The following TULP4 variants were observed in gnomAD, a reference collection of about 807,000 sequenced individuals.
TULP4 encodes the protein tubby-related protein 4.
A neutral mutation model predicts 129.0 loss-of-function variants in TULP4; 16 were observed. The ratio of observed to expected loss-of-function variants is 0.12; its 90% CI spans 0.08 to 0.19. The LOEUF is 0.19. TULP4 is among the 10% of genes least tolerant of loss of function. TULP4 has a pLI of 1.00. For synonymous variants in TULP4, 998 were observed against 854.0 expected (o/e 1.17, Z -2.94); for missense variants, 1,842 against 2,059.1 (o/e 0.89, Z 2.04).
chr6:158,476,328 G>A (rs1305994656), intron 6 of TULP4, among the ~76,000 whole-genome samples: 1 of 152,106 alleles, frequency 6.6e-6, no homozygotes, highest in African/African-American at 2.4e-5. Context: ...CCCATTCTTA[G>A]AAGAGGGGAT....
At position 158,506,826 on chromosome 6, in the gene TULP4, A is replaced by G. The variant is rs1412127560; in HGVS notation, c.*132A>G. ...AACAGCAAAACTGGAAAAGCCCGGC[A>G]GGCCCAGGAGAGGGCGCTGACCTGT... On this transcript the variant is annotated 3_prime_UTR_variant, in exon 14 of 14. Transcript: ENST00000367097. The G allele has an allele frequency of 3.1e-6, 2 of 654,516 alleles. No homozygotes were observed. Among genetic ancestry groups the G allele is most frequent in the Non-Finnish European group, 2.7e-6 (1 of 371,642 alleles). 40.5% of individuals were successfully genotyped at this position (654,516 alleles called of 1,614,324 possible).
At chr6:158,472,113 G>A (rs1017504616) in intron 6 of TULP4, among the ~76,000 whole-genome samples, 2 of 152,170 alleles carry the variant, frequency 1.3e-5, no homozygotes, top group Admixed American at 6.5e-5. Flanking sequence ...GCTGCCTAGT[G>A]GATTGAGGCT....
intron 1 of TULP4, among the ~76,000 whole-genome samples, chr6:158,297,958 A>G (rs1321215181): frequency 6.6e-6 from 1 of 152,180 alleles, no homozygotes; most frequent in East Asian, 1.9e-4. Context: ...TAAGACAGAC[A>G]TTCCCAGAGC....
chr6:158,342,959 G>GTGTGTGTGTGTGTGTGTA lies in TULP4; in HGVS notation c.252+28708_252+28709insATGTGTGTGTGTGTGTGT, dbSNP rs1229079108. 1.2e-4 allele frequency among the ~76,000 whole-genome samples: 4 copies of GTGTGTGTGTGTGTGTGTA among 33,020 alleles called. 1 individual carries two copies. The highest frequency in any genetic ancestry group is 6.4e-4 in the African/African-American group (4 of 6,250). 21.7% of individuals were successfully genotyped at this position (33,020 alleles called of 152,430 possible). ...AGATTAAAAATAAATGTGTGTGTGT[G>GTGTGTGTGTGTGTGTGTA]TGTGTGTGTGTGTGTGTGTGTGTGT... is the stretch of plus-strand genomic sequence containing the variant. On this transcript the variant is annotated intron_variant, in intron 1 of 13. Transcript: ENST00000367097.
At position 158,479,955 on chromosome 6, in the gene TULP4, G is replaced by T; in HGVS notation, c.1231G>T (p.Ala411Ser). 1 of 1,607,360 alleles carries T rather than the reference G, an allele frequency of 6.2e-7. No individual in the cohort carries two copies. Residue 411 changes from alanine to serine, a missense_variant, in exon 7 of 14, where the codon GCC becomes TCC. By Grantham distance (99) the Ala-to-Ser change is moderately conservative. Transcript: ENST00000367097. ...CCGCCTCTGCTCCTACCTCTCCACT[G>T]CCTTCATCCCCACCATCAAGGTAAA... ...PPRLCSYLST[A>S]FIPTIKPPIP...
At chr6:158,374,606 T>C (rs1777145542) in intron 1 of TULP4, among the ~76,000 whole-genome samples, 1 of 152,214 alleles carries the variant, frequency 6.6e-6, no homozygotes, top group Non-Finnish European at 1.5e-5. Flanking sequence ...AAACTCACTG[T>C]TTTACTTCTT....
At chr6:158,308,405 C>G (rs1400645272), upstream of TULP4, among the ~76,000 whole-genome samples, 1 of 152,074 alleles carries the variant, frequency 6.6e-6, no homozygotes, top group Non-Finnish European at 1.5e-5. Flanking sequence ...CTACTTCTTT[C>G]TACACAGACA....
chr6:158,481,149 A>G lies in TULP4; in HGVS notation c.1346A>G (p.Asp449Gly), dbSNP rs778665255. 8.7e-6 allele frequency: 14 copies of G among 1,613,864 alleles called. No individual in the cohort carries two copies. The highest frequency in any genetic ancestry group is 2.2e-5 in the East Asian group (1 of 44,884). ...RLHCTMKRTE[D>G]DPEVGGPCYT... ...CACTGCACCATGAAGCGCACAGAGGACGACCCGGAGGTGGGCGGCCCGTGC... is the reference window on the plus strand; with the variant it reads ...CACTGCACCATGAAGCGCACAGAGGGCGACCCGGAGGTGGGCGGCCCGTGC... The change falls in exon 8 of 14, where the codon GAC becomes GGC. Residue 449 changes from aspartate to glycine, a missense_variant. Transcript: ENST00000367097.
chr6:158,376,054 A>C (rs897635184), intron 1 of TULP4, among the ~76,000 whole-genome samples: 2 of 152,182 alleles, frequency 1.3e-5, no homozygotes, highest in Admixed American at 1.3e-4. Flanking sequence ...GGGGGAAGTG[A>C]GGACAGCAGC....
intron 6 of TULP4, among the ~76,000 whole-genome samples, chr6:158,474,597 G>GAAGA (rs1779773111): frequency 1.3e-5 from 2 of 152,132 alleles, no homozygotes; most frequent in African/African-American, 4.8e-5. Flanking sequence ...CTGTTGCTCT[G>GAAGA]GCTCTCGCTC....
intron 3 of TULP4, among the ~76,000 whole-genome samples, chr6:158,443,943 GGT>G (rs1554291844): frequency 5.3e-5 from 8 of 152,026 alleles, no homozygotes; most frequent in Non-Finnish European, 1.2e-4. Context: ...TTTTTGGCCG[GGT>G]GCGGTGGCTC....
chr6:158,449,241 T>G, intron 4 of TULP4, 65 bp downstream of exon 4: 1 of 1,496,896 alleles, frequency 6.7e-7, no homozygotes, highest in Non-Finnish European at 9.0e-7. Context: ...CGGAGCAGAG[T>G]AGACTGATGT....
At chr6:158,268,099 G>T (rs9348219) in intron 1 of TULP4, among the ~76,000 whole-genome samples, 47,877 of 144,736 alleles carry the variant, frequency 0.33, 8,808 homozygotes, top group Admixed American at 0.45. Flanking sequence ...GCAGTGGTGC[G>T]ATCCTGGCTC....
chr6:158,318,670 A>G (rs1779548080), intron 1 of TULP4, among the ~76,000 whole-genome samples: 1 of 152,194 alleles, frequency 6.6e-6, no homozygotes, highest in Non-Finnish European at 1.5e-5. Flanking sequence ...ATACAAGTCT[A>G]TAACTTGTGT....
intron 1 of TULP4, among the ~76,000 whole-genome samples, chr6:158,292,664 C>G (rs1270666382): frequency 6.6e-6 from 1 of 152,086 alleles, no homozygotes; most frequent in Non-Finnish European, 1.5e-5. Context: ...ATGTCTTTAT[C>G]AACGTTTATT....
intron 1 of TULP4, among the ~76,000 whole-genome samples, chr6:158,296,191 C>T (rs538334026): frequency 4.0e-5 from 6 of 151,604 alleles, no homozygotes; most frequent in Admixed American, 3.9e-4. Context: ...TTTCCTTTCC[C>T]TTTCCCTTCC....
intron 1 of TULP4, among the ~76,000 whole-genome samples, chr6:158,392,249 C>T (rs1044438246): frequency 7.9e-5 from 12 of 152,094 alleles, no homozygotes; most frequent in African/African-American, 2.2e-4. Flanking sequence ...TTCACTATCA[C>T]GACAACAGCA....
chr6:158,293,130 A>G (rs905279339), intron 1 of TULP4, among the ~76,000 whole-genome samples: 1 of 152,236 alleles, frequency 6.6e-6, no homozygotes, highest in South Asian at 2.1e-4. Context: ...CTCTCTGTAC[A>G]GATAATTACA....
At chr6:158,285,917 G>A (rs978694700) in intron 1 of TULP4, among the ~76,000 whole-genome samples, 14 of 152,212 alleles carry the variant, frequency 9.2e-5, no homozygotes, top group African/African-American at 3.4e-4. Flanking sequence ...TCGGTTGCTG[G>A]CTGCGTTTCA....
Sources: gnomAD v4.1 joint callset for allele counts (sites outside exome capture counted in the v4.1 genomes callset) on GRCh38, gnomAD v4.1.1 for gene constraint, MANE v1.5 for transcripts, NCBI Gene and HGNC (gene_info 2026-07-23, HGNC 2026-07-21) for gene names.